Variants in MSTO1 observed in about 807,000 individuals in gnomAD.
MSTO1 encodes protein misato homolog 1.
MSTO1 carries 24 observed loss-of-function variants against 55.7 expected under a neutral mutation model. The observed-to-expected ratio is 0.43, with a 90% CI of 0.31 to 0.61. The LOEUF is 0.61. Ranked by LOEUF, MSTO1 falls within the 20% of genes least tolerant of loss-of-function variation. The pLI, the probability that MSTO1 is intolerant of heterozygous loss-of-function variation, is 0.09. For missense variants in MSTO1, 363 were observed against 625.7 expected (o/e 0.58, Z 4.48); for synonymous variants, 162 against 252.8 (o/e 0.64, Z 3.41).
In MSTO1 at chr1:155,612,528, G is replaced by C; in HGVS notation, c.924G>C (p.Leu308=). The C allele has an allele frequency of 6.2e-7, 1 of 1,613,398 alleles. No individual in the cohort carries two copies. The highest frequency in any genetic ancestry group is 1.3e-5 in the African/African-American group (1 of 74,942). The change falls in exon 9 of 14, where the codon CTG becomes CTC. Residue 308 remains leucine, a synonymous_variant. Transcript: ENST00000245564. Reference sequence around the variant, plus strand: ...TGTCCTTGGGTGGGAGCCTGGGCCTGCGACCCGAGCCACCTGTCAGCTTCC... The same window carrying C: ...TGTCCTTGGGTGGGAGCCTGGGCCTCCGACCCGAGCCACCTGTCAGCTTCC... ...CPLSLGGSLG[L]RPEPPVSFPY...
chr1:155,590,055 G>A, the MSTO1 span, among the ~76,000 whole-genome samples: 13 of 151,890 alleles, frequency 8.6e-5, no homozygotes, highest in Admixed American at 2.0e-4. Context: ...AGGTGGGGGC[G>A]GGGGTCTACA....
At chr1:155,610,084 A>C, upstream of MSTO1, 1 of 682,996 alleles carries the variant, frequency 1.5e-6, no homozygotes. Context: ...CACGTCTAGG[A>C]AGAGGTAGGA....
chr1:155,588,035 G>A, the MSTO1 span, among the ~76,000 whole-genome samples: 2 of 151,408 alleles, frequency 1.3e-5, no homozygotes, highest in Admixed American at 6.6e-5. Flanking sequence ...GTGAAACCCC[G>A]TCTCTACTAA....
upstream of MSTO1, among the ~76,000 whole-genome samples, chr1:155,607,124 A>G (rs139201620): frequency 6.3e-3 from 934 of 148,030 alleles, 10 homozygotes; most frequent in African/African-American, 0.023. Context: ...GAGCCACCAC[A>G]CCCAGCCAGA....
chr1:155,568,461 T>A, the MSTO1 span, among the ~76,000 whole-genome samples: 8 of 147,374 alleles, frequency 5.4e-5, no homozygotes, highest in African/African-American at 2.0e-4. Flanking sequence ...TTTTTTGAGA[T>A]GCGGTCTCAC....
At chr1:155,583,218 A>G in the MSTO1 span, among the ~76,000 whole-genome samples, 1 of 147,874 alleles carries the variant, frequency 6.8e-6, no homozygotes. Flanking sequence ...TATAGAAGGT[A>G]TATCTTTTTT....
the MSTO1 span, among the ~76,000 whole-genome samples, chr1:155,596,808 T>G: frequency 6.6e-6 from 1 of 150,930 alleles, no homozygotes; most frequent in Non-Finnish European, 1.5e-5. Context: ...TTTCCAGCTT[T>G]AAGAGATGAA....
At chr1:155,569,644 G>A in the MSTO1 span, among the ~76,000 whole-genome samples, 1 of 151,634 alleles carries the variant, frequency 6.6e-6, no homozygotes, top group Admixed American at 6.6e-5. Flanking sequence ...TCACTATGTT[G>A]GCCAGGCTGT....
chr1:155,595,305 GCA>G, the MSTO1 span, among the ~76,000 whole-genome samples: 1 of 150,630 alleles, frequency 6.6e-6, no homozygotes, highest in Non-Finnish European at 1.5e-5. Context: ...AGCCTCCCGA[GCA>G]ACTGGGACTA....
At chr1:155,578,757 G>A in the MSTO1 span, among the ~76,000 whole-genome samples, 4 of 149,946 alleles carry the variant, frequency 2.7e-5, no homozygotes, top group African/African-American at 7.3e-5. Context: ...TGATCCGCCC[G>A]CCTCGGCCTC....
At chr1:155,569,542 A>G in the MSTO1 span, among the ~76,000 whole-genome samples, 6 of 150,028 alleles carry the variant, frequency 4.0e-5, no homozygotes, top group African/African-American at 1.2e-4. Flanking sequence ...GGTTCAAGCA[A>G]TTCTACTGCC....
the MSTO1 span, among the ~76,000 whole-genome samples, chr1:155,594,747 G>A: frequency 6.6e-6 from 1 of 152,030 alleles, no homozygotes; most frequent in Admixed American, 6.6e-5. Flanking sequence ...CACCACACCT[G>A]GCTCCCAAGT....
the MSTO1 span, among the ~76,000 whole-genome samples, chr1:155,586,204 C>CTTT: frequency 3.0e-4 from 38 of 127,074 alleles, no homozygotes; most frequent in East Asian, 9.3e-4. Flanking sequence ...CTCTCTCTGT[C>CTTT]TTTTTTTTTT....
At chr1:155,605,981 C>T (rs1004872154), upstream of MSTO1, among the ~76,000 whole-genome samples, 3 of 152,124 alleles carry the variant, frequency 2.0e-5, no homozygotes, top group African/African-American at 7.2e-5. Context: ...GGAAAATTAG[C>T]CAATCCCATT....
the MSTO1 span, among the ~76,000 whole-genome samples, chr1:155,567,132 T>G: frequency 6.6e-6 from 1 of 151,870 alleles, no homozygotes; most frequent in Non-Finnish European, 1.5e-5. Flanking sequence ...GAGTTGGTTT[T>G]TTTTTTTTCC....
the MSTO1 span, among the ~76,000 whole-genome samples, chr1:155,578,489 C>G: frequency 6.7e-6 from 1 of 149,080 alleles, no homozygotes; most frequent in East Asian, 2.0e-4. Context: ...CAGGCATGCG[C>G]CACCACGCCC....
the MSTO1 span, among the ~76,000 whole-genome samples, chr1:155,598,430 A>T: frequency 6.6e-6 from 1 of 152,212 alleles, no homozygotes; most frequent in Non-Finnish European, 1.5e-5. Context: ...TTCTTTAAAA[A>T]ATATAAACAC....
At chr1:155,598,949 GGTTCA>G in the MSTO1 span, 3 of 1,230,094 alleles carry the variant, frequency 2.4e-6, no homozygotes, top group Non-Finnish European at 3.5e-6. Flanking sequence ...CTCTCTGTTA[GGTTCA>G]GTTATCTTGT....
the MSTO1 span, among the ~76,000 whole-genome samples, chr1:155,581,273 C>A: frequency 6.6e-6 from 1 of 151,998 alleles, no homozygotes; most frequent in Non-Finnish European, 1.5e-5. Flanking sequence ...CCATTATCTA[C>A]ATTTTAAATA....
Sources: allele counts gnomAD v4.1 joint callset (sites outside exome capture counted in the v4.1 genomes callset), GRCh38; gene constraint gnomAD v4.1.1; transcripts MANE v1.5; gene names NCBI Gene and HGNC (gene_info 2026-07-23, HGNC 2026-07-21).